Variants in NMNAT2 observed in about 807,000 individuals in gnomAD.
The protein encoded by NMNAT2 is nicotinamide/nicotinic acid mononucleotide adenylyltransferase 2.
In NMNAT2, 11 loss-of-function variants were observed where a neutral mutation model predicts 41.6. The observed-to-expected ratio is 0.26, with a 90% CI of 0.17 to 0.44. The LOEUF (loss-of-function observed/expected upper bound fraction) is 0.44, where lower values mean the gene tolerates loss of function less well. Among genes scored for constraint, NMNAT2 ranks in the 20% least tolerant of loss-of-function variants. The pLI is 1.00. For synonymous variants in NMNAT2, 148 were observed against 151.2 expected (o/e 0.98, Z 0.16); for missense variants, 288 against 407.7 (o/e 0.71, Z 2.53).
chr1:183,256,326 G>A (rs12142372), intron 10 of NMNAT2, among the ~76,000 whole-genome samples: 94 of 152,024 alleles, frequency 6.2e-4, no homozygotes, highest in Non-Finnish European at 9.3e-4. Context: ...GGAGAATCAC[G>A]TGAACCCAGG....
chr1:183,290,561 A>G (rs920068078), intron 3 of NMNAT2: 1 of 207,698 alleles, frequency 4.8e-6, no homozygotes, highest in South Asian at 1.1e-4. Flanking sequence ...ACGAGCTTAC[A>G]GTTTTGTTAG....
intron 1 of NMNAT2, among the ~76,000 whole-genome samples, chr1:183,328,108 C>A (rs1025417090): frequency 6.6e-6 from 1 of 152,144 alleles, no homozygotes; most frequent in African/African-American, 2.4e-5. Flanking sequence ...GGAACCATCA[C>A]CTGGTCTCGG....
At chr1:183,306,309 G>A (rs1216729945) in intron 1 of NMNAT2, among the ~76,000 whole-genome samples, 1 of 152,136 alleles carries the variant, frequency 6.6e-6, no homozygotes, top group African/African-American at 2.4e-5. Context: ...ATAGCCCCTG[G>A]AAGCTAGAAA....
chr1:183,283,751 G>C, intron 7 of NMNAT2: 1 of 529,148 alleles, frequency 1.9e-6, no homozygotes, highest in Non-Finnish European at 3.4e-6. Flanking sequence ...TGGAGGCTCT[G>C]AAGGAAAAAT....
chr1:183,333,279 G>C (rs984900132), intron 1 of NMNAT2, among the ~76,000 whole-genome samples: 8 of 152,166 alleles, frequency 5.3e-5, no homozygotes, highest in Non-Finnish European at 8.8e-5. Context: ...TGGGATGAGA[G>C]GGTCATCTCT....
chr1:183,292,920 C>A, intron 2 of NMNAT2, 63 bp from the exon 3 acceptor site: 1 of 1,439,142 alleles, frequency 6.9e-7, no homozygotes, highest in South Asian at 1.2e-5. Context: ...CCTTGGGATA[C>A]CAGCCCAAGC....
At chr1:183,338,071 T>A (rs1662713129) in intron 1 of NMNAT2, among the ~76,000 whole-genome samples, 1 of 149,734 alleles carries the variant, frequency 6.7e-6, no homozygotes, top group Non-Finnish European at 1.5e-5. Context: ...CACACTGACC[T>A]GCATCTGTAG....
intron 1 of NMNAT2, among the ~76,000 whole-genome samples, chr1:183,352,562 CAAAA>C (rs55706245): frequency 1.4e-4 from 11 of 79,160 alleles, no homozygotes; most frequent in African/African-American, 4.9e-4. Context: ...CAGTCTGTCT[CAAAA>C]AAAAAAAAAA....
intron 1 of NMNAT2, among the ~76,000 whole-genome samples, chr1:183,370,929 G>T (rs2101910911): frequency 6.6e-6 from 1 of 152,324 alleles, no homozygotes; most frequent in Non-Finnish European, 1.5e-5. Flanking sequence ...TGCTGGGGAG[G>T]TTGTGGTATA....
intron 1 of NMNAT2, among the ~76,000 whole-genome samples, chr1:183,399,812 A>C (rs947335294): frequency 4.6e-5 from 7 of 152,140 alleles, no homozygotes; most frequent in East Asian, 1.9e-4. Context: ...AGACAAAAAC[A>C]ACATGATTAT....
chr1:183,366,175 C>T (rs1663406147), intron 1 of NMNAT2, among the ~76,000 whole-genome samples: 1 of 152,176 alleles, frequency 6.6e-6, no homozygotes, highest in African/African-American at 2.4e-5. Flanking sequence ...ATGACCCATC[C>T]CGTCTTTCTG....
intron 1 of NMNAT2, among the ~76,000 whole-genome samples, chr1:183,326,214 A>G (rs1444148766): frequency 6.6e-6 from 1 of 151,912 alleles, no homozygotes; most frequent in African/African-American, 2.4e-5. Context: ...TGCCTGTACT[A>G]AAAATACAAA....
At chr1:183,396,258 A>G (rs1648646689) in intron 1 of NMNAT2, among the ~76,000 whole-genome samples, 1 of 152,056 alleles carries the variant, frequency 6.6e-6, no homozygotes, top group African/African-American at 2.4e-5. Context: ...AGGGCAGGAG[A>G]GGTCTCCCCT....
At chr1:183,287,122 C>T (rs367814495) in intron 4 of NMNAT2, among the ~76,000 whole-genome samples, 4 of 152,024 alleles carry the variant, frequency 2.6e-5, no homozygotes, top group African/African-American at 7.2e-5. Context: ...CAGTTGTGGT[C>T]GGGTCACACA....
intron 7 of NMNAT2, 130 bp from the exon 8 acceptor site, chr1:183,278,759 G>T (rs1661189740): frequency 1.5e-6 from 1 of 686,216 alleles, no homozygotes; most frequent in Admixed American, 2.1e-5. Flanking sequence ...GTTATCCCAG[G>T]TGCCTCTGCC....
chr1:183,296,439 TTC>T (rs1661699190), intron 1 of NMNAT2, among the ~76,000 whole-genome samples: 2 of 152,318 alleles, frequency 1.3e-5, no homozygotes, highest in Admixed American at 1.3e-4. Flanking sequence ...GAATGAGACT[TTC>T]TGTTGCTCCA....
rs758322668 is a variant in NMNAT2 at position 183,286,726 on chromosome 1, C to T, written c.384G>A (p.Gln128=). ...NTPSMTPVIG[Q]PQNETPQPIY... ...TGGGCTGGGGGGTCTCGTTTTGTGG[C>T]TGTCCGATCACAGGTGTCATGGAAG... Residue 128 remains glutamine, a synonymous_variant, in exon 5 of 11, where the codon CAG becomes CAA. Transcript: ENST00000287713. 1.2e-6 allele frequency: 2 copies of T among 1,612,234 alleles called. No homozygotes were observed. Among genetic ancestry groups the T allele is most frequent in the Non-Finnish European group, 1.7e-6 (2 of 1,179,290 alleles).
chr1:183,332,687 C>G (rs2102339614), intron 1 of NMNAT2, among the ~76,000 whole-genome samples: 1 of 152,300 alleles, frequency 6.6e-6, no homozygotes, highest in South Asian at 2.1e-4. Context: ...GTCTGACTGG[C>G]AACATGCTAG....
chr1:183,414,427 T>A (rs2101933968), intron 1 of NMNAT2, among the ~76,000 whole-genome samples: 1 of 152,370 alleles, frequency 6.6e-6, no homozygotes, highest in African/African-American at 2.4e-5. Flanking sequence ...GTAGATTTAT[T>A]GACAAATATA....
Sources: gnomAD v4.1 joint callset for allele counts (sites outside exome capture counted in the v4.1 genomes callset) on GRCh38, gnomAD v4.1.1 for gene constraint, MANE v1.5 for transcripts, NCBI Gene and HGNC (gene_info 2026-07-23, HGNC 2026-07-21) for gene names.